CENPK: variants seen among roughly 807,000 people sequenced by gnomAD.
CENPK encodes the protein SoxLZ/Sox6-binding protein Solt.
Under a neutral mutation model 40.9 loss-of-function variants are expected in CENPK, and 46 were observed. The observed-to-expected ratio is 1.13, with a 90% CI of 0.89 to 1.44. The LOEUF is 1.44. Among genes scored for constraint, CENPK ranks in the 40% most tolerant of loss-of-function variants. The pLI is 0.00. For missense variants in CENPK, 288 were observed against 303.5 expected (o/e 0.95, Z 0.38); for synonymous variants, 107 against 104.4 (o/e 1.02, Z -0.15).
intron 4 of CENPK, 77 bp downstream of exon 4, chr5:65,552,414 TAC>T (rs1377895428): frequency 1.1e-6 from 1 of 888,988 alleles, no homozygotes; most frequent in African/African-American, 1.8e-5. Context: ...TTGAGAAAAA[TAC>T]AGACACACAT....
chr5:65,505,273 T>C, the CENPK span, among the ~76,000 whole-genome samples: 2 of 152,194 alleles, frequency 1.3e-5, no homozygotes, highest in Non-Finnish European at 2.9e-5. Context: ...ATAATTACTG[T>C]CCTTAAGTTA....
At chr5:65,526,431 A>G (rs2150362635) in intron 9 of CENPK, among the ~76,000 whole-genome samples, 1 of 152,346 alleles carries the variant, frequency 6.6e-6, no homozygotes, top group Middle Eastern at 3.4e-3. Flanking sequence ...AAATAAGGGA[A>G]GAATAAAAAG....
chr5:65,509,898 G>A, the CENPK span, among the ~76,000 whole-genome samples: 2 of 152,202 alleles, frequency 1.3e-5, no homozygotes, highest in Non-Finnish European at 2.9e-5. Flanking sequence ...TCACAGATCA[G>A]TGTAATTGTT....
intron 6 of CENPK, among the ~76,000 whole-genome samples, chr5:65,536,015 CAAT>C (rs1261296760): frequency 1.3e-5 from 2 of 152,160 alleles, no homozygotes; most frequent in Non-Finnish European, 2.9e-5. Flanking sequence ...GTAAAATATA[CAAT>C]GATAGAACCA....
At chr5:65,523,813 T>C (rs1262855400) in intron 9 of CENPK, among the ~76,000 whole-genome samples, 2 of 152,158 alleles carry the variant, frequency 1.3e-5, no homozygotes, top group African/African-American at 2.4e-5. Flanking sequence ...GGTTCAAATA[T>C]AAAGAACTCT....
downstream of CENPK, among the ~76,000 whole-genome samples, chr5:65,513,666 T>C (rs1408136415): frequency 6.6e-6 from 1 of 152,246 alleles, no homozygotes; most frequent in Non-Finnish European, 1.5e-5. Context: ...GTAAACTTGC[T>C]ATATTCAGGT....
In CENPK at chr5:65,528,618, A is replaced by G; in HGVS notation, c.471-40T>C. 3.4e-6 allele frequency: 5 copies of G among 1,468,950 alleles called. No individual in the cohort carries two copies. The South Asian group carries it at 7.1e-5, about 21-fold the overall frequency. 91.0% of individuals were successfully genotyped at this position (1,468,950 alleles called of 1,614,324 possible). The stretch of plus-strand genomic sequence containing the variant: ...AAATTAAGAGAAACATTTAACTGAT[A>G]AAACACATACACACATGTAACTAGT... On this transcript the variant is annotated intron_variant, in intron 8 of 10. Coordinates refer to ENST00000396679, the MANE Select transcript of CENPK (RefSeq NM_022145.5).
the CENPK span, among the ~76,000 whole-genome samples, chr5:65,505,537 A>G: frequency 6.6e-6 from 1 of 152,214 alleles, no homozygotes; most frequent in South Asian, 2.1e-4. Flanking sequence ...GCTACTTGGG[A>G]GGCTGAGGTG....
intron 2 of CENPK, among the ~76,000 whole-genome samples, chr5:65,559,678 T>C (rs759539175): frequency 2.7e-5 from 4 of 148,944 alleles, no homozygotes; most frequent in African/African-American, 9.9e-5. Flanking sequence ...GGGCCAAAAC[T>C]AGCCTAAGAT....
intron 6 of CENPK, among the ~76,000 whole-genome samples, chr5:65,542,496 G>C (rs972541441): frequency 1.3e-5 from 2 of 152,024 alleles, no homozygotes; most frequent in African/African-American, 4.8e-5. Flanking sequence ...AATTAGCCGG[G>C]CATGGTGGTG....
At chr5:65,514,235 TTTTTTTTTTTTTTTTTTTTTTTTTTTAG>T (rs1252371680), downstream of CENPK, among the ~76,000 whole-genome samples, 4 of 16,662 alleles carry the variant, frequency 2.4e-4, no homozygotes, top group Non-Finnish European at 4.9e-4. Flanking sequence ...ATAATCTTTT[TTTTTTTTTTTTTTTTTTTTTTTTTTTAG>T]TTTTTTTTAG....
chr5:65,514,228 A>ATATTTTTTTTTTTT (rs199873665), downstream of CENPK, among the ~76,000 whole-genome samples: 2 of 61,648 alleles, frequency 3.2e-5, 1 homozygote, highest in Admixed American at 4.1e-4. Flanking sequence ...GCCTCACATA[A>ATATTTTTTTTTTTT]TCTTTTTTTT....
chr5:65,507,014 C>T, the CENPK span, among the ~76,000 whole-genome samples: 6 of 152,272 alleles, frequency 3.9e-5, no homozygotes, highest in East Asian at 3.9e-4. Context: ...TATTATCTTA[C>T]GTATCATGTT....
intron 3 of CENPK, among the ~76,000 whole-genome samples, chr5:65,553,357 C>CAAAA (rs112109997): frequency 7.5e-6 from 1 of 134,136 alleles, no homozygotes; most frequent in Non-Finnish European, 1.6e-5. Flanking sequence ...GCTGATCAGC[C>CAAAA]AAAAAAAAAA....
At chr5:65,555,127 T>G in intron 2 of CENPK, 181 bp from the exon 3 acceptor site, 1 of 365,508 alleles carries the variant, frequency 2.7e-6, no homozygotes. Context: ...ATATATATAC[T>G]GTAGTATATC....
At chr5:65,523,199 C>T (rs940780650) in intron 9 of CENPK, among the ~76,000 whole-genome samples, 1 of 152,110 alleles carries the variant, frequency 6.6e-6, no homozygotes, top group African/African-American at 2.4e-5. Context: ...CTATCTAGCC[C>T]TCTTACTTTC....
At chr5:65,556,415 T>C (rs1750988669) in intron 2 of CENPK, among the ~76,000 whole-genome samples, 1 of 152,110 alleles carries the variant, frequency 6.6e-6, no homozygotes. Flanking sequence ...TTCAAGGTTA[T>C]AGTAAGCTAT....
At chr5:65,503,110 A>ATTTT in the CENPK span, among the ~76,000 whole-genome samples, 24 of 126,842 alleles carry the variant, frequency 1.9e-4, 1 homozygote, top group Admixed American at 4.2e-4. Context: ...CCAATGTAAT[A>ATTTT]TTTTTTTTTT....
At chr5:65,505,692 A>G in the CENPK span, among the ~76,000 whole-genome samples, 3 of 152,234 alleles carry the variant, frequency 2.0e-5, no homozygotes, top group Non-Finnish European at 2.9e-5. Flanking sequence ...TAGCATATTT[A>G]GCTTTTTTAT....
Sources: gnomAD v4.1 joint callset for allele counts (sites outside exome capture counted in the v4.1 genomes callset) on GRCh38, gnomAD v4.1.1 for gene constraint, MANE v1.5 for transcripts, NCBI Gene and HGNC (gene_info 2026-07-23, HGNC 2026-07-21) for gene names.